Variants in CCL4 observed in about 807,000 individuals in gnomAD.
The protein encoded by CCL4 is C-C motif chemokine 4.
A neutral mutation model predicts 10.3 loss-of-function variants in CCL4; 8 were observed. That is an observed-to-expected ratio of 0.77 (90% confidence interval 0.45 to 1.39). The LOEUF is 1.39. Among genes scored for constraint, CCL4 ranks in the 40% most tolerant of loss-of-function variants. The pLI is 0.00. For missense variants in CCL4, 106 were observed against 111.2 expected (o/e 0.95, Z 0.21); for synonymous variants, 35 against 44.3 (o/e 0.79, Z 0.83).
intron 1 of CCL4, chr17:36,104,215 T>C: frequency 1.4e-6 from 1 of 714,272 alleles, no homozygotes. Context: ...AGTCAGACTG[T>C]TGAATTGGCT....
chr17:36,104,713 G>C, intron 2 of CCL4, 71 bp downstream of exon 2: 3 of 1,595,284 alleles, frequency 1.9e-6, no homozygotes, highest in Non-Finnish European at 2.6e-6. Context: ...GGCCTGTTTT[G>C]GGGAGGGGGT....
chr17:36,104,748 C>T lies in CCL4; in HGVS notation c.191+106C>T, dbSNP rs2067146714. On this transcript the variant is annotated intron_variant, in intron 2 of 2. Coordinates refer to ENST00000615863, the MANE Select transcript of CCL4 (RefSeq NM_002984.4). Reference sequence around the variant, plus strand: ...TGATTGAGCATTGGGGAGGCAGCTCCCAGGGCTGAAGCCTTCCCTGAGAGC... The same window carrying T: ...TGATTGAGCATTGGGGAGGCAGCTCTCAGGGCTGAAGCCTTCCCTGAGAGC... The T allele has an allele frequency of 6.3e-6, 9 of 1,423,538 alleles. No individual in the cohort carries two copies. In the East Asian group the frequency reaches 7.1e-5, roughly 11 times the overall value. The allele number at this position is 1,423,538 out of a possible 1,614,324, so 88.2% of individuals were successfully genotyped here.
rs149276903 is a variant in CCL4, at chr17:36,104,578, C to G, written c.127C>G (p.Leu43Val). ...CTGCTTTTCTTACACCGCGAGGAAG[C>G]TTCCTCGCAACTTTGTGGTAGATTA... ...ACCFSYTARKLPRNFVVDYYE... is the reference protein window; with the variant it reads ...ACCFSYTARKVPRNFVVDYYE... The change falls in exon 2 of 3, where the codon CTT becomes GTT. Residue 43 changes from leucine to valine, a missense_variant. By Grantham distance (32) the Leu-to-Val change is conservative. Transcript: ENST00000615863. 172 of 1,613,042 alleles carry G rather than the reference C, an allele frequency of 1.1e-4. No homozygotes were observed. Among genetic ancestry groups the G allele is most frequent in the Non-Finnish European group, 1.4e-4 (162 of 1,179,860 alleles).
rs200124119 is a variant in CCL4, at chr17:36,104,582, C to A, written c.131C>A (p.Pro44His). 24 of 1,613,316 alleles carry A rather than the reference C, an allele frequency of 1.5e-5. No homozygotes were observed. In the African/African-American group the frequency reaches 2.5e-4, roughly 17 times the overall value. ...TTTTCTTACACCGCGAGGAAGCTTC[C>A]TCGCAACTTTGTGGTAGATTACTAT... is the stretch of plus-strand genomic sequence containing the variant. The part of the protein sequence containing the change: ...CCFSYTARKL[P>H]RNFVVDYYET... Residue 44 changes from proline (P) to histidine (H), a missense_variant, in exon 2 of 3, where the codon CCT (proline) becomes CAT (histidine). Transcript: ENST00000615863.
intron 2 of CCL4, 173 bp downstream of exon 2, chr17:36,104,815 GGC>G (rs2067147399): frequency 1.1e-6 from 1 of 875,132 alleles, no homozygotes; most frequent in Non-Finnish European, 1.9e-6. Context: ...AAGTGCTGAA[GGC>G]GGCAGAGTGG....
In CCL4 at chr17:36,103,937, T is replaced by G; in HGVS notation, c.32T>G (p.Leu11Arg). ...CTCTGCGTGACTGTCCTGTCTCTCCTCATGCTAGTAGCTGCCTTCTGCTCT... is the reference window on the plus strand; with the variant it reads ...CTCTGCGTGACTGTCCTGTCTCTCCGCATGCTAGTAGCTGCCTTCTGCTCT... The part of the protein sequence containing the change: MKLCVTVLSL[L>R]MLVAAFCSPA... The change falls in exon 1 of 3, where the codon CTC becomes CGC. Residue 11 changes from leucine (L) to arginine (R), a missense_variant. Leu to Arg is a moderately radical substitution (Grantham distance 102). Coordinates refer to ENST00000615863, the MANE Select transcript of CCL4 (RefSeq NM_002984.4). The G allele has an allele frequency of 6.2e-7, 1 of 1,613,992 alleles. No homozygotes were observed. The highest frequency in any genetic ancestry group is 1.1e-5 in the South Asian group (1 of 91,070).
At chr17:36,105,125 C>A (rs2067150484) in intron 2 of CCL4, 100 bp from the exon 3 acceptor site, 1 of 1,257,814 alleles carries the variant, frequency 8.0e-7, no homozygotes, top group African/African-American at 1.5e-5. Flanking sequence ...CAGAGCTGCC[C>A]CACATGGACC....
chr17:36,104,979 G>A, intron 2 of CCL4: 1 of 711,482 alleles, frequency 1.4e-6, no homozygotes, highest in Non-Finnish European at 2.6e-6. Context: ...GCAGGGAATG[G>A]GGAGATCTAT....
chr17:36,105,311 G>A lies in CCL4; in HGVS notation c.278G>A (p.Ter93=). 1 of 1,613,664 alleles carries A rather than the reference G, an allele frequency of 6.2e-7. No homozygotes were observed. The highest frequency in any genetic ancestry group is 8.5e-7 in the Non-Finnish European group (1 of 1,179,518). ...QEYVYDLELN[*] Reference sequence around the variant, plus strand: ...TACGTGTATGACCTGGAACTGAACTGAGCTGCTCAGAGACAGGAAGTCTTC... The same window carrying A: ...TACGTGTATGACCTGGAACTGAACTAAGCTGCTCAGAGACAGGAAGTCTTC... Residue 93 remains the stop codon, a stop_retained_variant, in exon 3 of 3, where the codon TGA becomes TAA. Transcript: ENST00000615863.
intron 1 of CCL4, 81 bp downstream of exon 1, chr17:36,104,062 G>A: frequency 1.3e-6 from 2 of 1,525,802 alleles, no homozygotes; most frequent in Non-Finnish European, 1.8e-6. Flanking sequence ...GCAAACAGTG[G>A]GATCTGGGGA....
intron 1 of CCL4, 114 bp from the exon 2 acceptor site, chr17:36,104,414 G>A: frequency 8.5e-7 from 1 of 1,169,642 alleles, no homozygotes; most frequent in South Asian, 1.3e-5. Context: ...GGTGGGAATG[G>A]ATATTTGGGG....
chr17:36,104,983 G>A (rs922845453), intron 2 of CCL4: 12 of 712,430 alleles, frequency 1.7e-5, no homozygotes, highest in Admixed American at 6.0e-5. Context: ...GGAATGGGGA[G>A]ATCTATTCAT....
Position 36,105,551 on chromosome 17 carries a change from C to T in CCL4, c.*239C>T, listed in dbSNP as rs148133700. 6,210 of 594,308 alleles carry T rather than the reference C, an allele frequency of 0.01. 42 individuals carry two copies. The highest frequency in any genetic ancestry group is 0.027 in the South Asian group (1,313 of 47,770). 36.8% of individuals were successfully genotyped at this position (594,308 alleles called of 1,614,324 possible). A position where few individuals can be genotyped will look rare whatever the true frequency, so the allele number is the denominator to read the frequency against. On this transcript the variant is annotated 3_prime_UTR_variant, in exon 3 of 3. Coordinates refer to ENST00000615863, the MANE Select transcript of CCL4 (RefSeq NM_002984.4). ...CACTGTCACTGTTTCTCTGCTGTTG[C>T]AAATACATGGATAACACATTTGATT... is the stretch of plus-strand genomic sequence containing the variant.
Position 36,103,870 on chromosome 17 carries a change from C to A in CCL4, c.-36C>A, listed in dbSNP as rs768274643. On this transcript the variant is annotated 5_prime_UTR_variant, in exon 1 of 3. Coordinates refer to ENST00000615863, the MANE Select transcript of CCL4 (RefSeq NM_002984.4). ...GTTCTGAAGCTTCTGAGTTCTGCAGCCTCACCTCTGAGAAAACCTCTTTTC... is the reference window on the plus strand; with the variant it reads ...GTTCTGAAGCTTCTGAGTTCTGCAGACTCACCTCTGAGAAAACCTCTTTTC... 6.2e-6 allele frequency: 10 copies of A among 1,612,142 alleles called. No individual in the cohort carries two copies. The highest frequency in any genetic ancestry group is 5.5e-5 in the South Asian group (5 of 91,042).
Position 36,105,261 on chromosome 17 carries a change from T to A in CCL4, c.228T>A (p.Asp76Glu). 1 of 1,614,046 alleles carries A rather than the reference T, an allele frequency of 6.2e-7. No homozygotes were observed. The highest frequency in any genetic ancestry group is 8.5e-7 in the Non-Finnish European group (1 of 1,179,908). ...QTKRSKQVCA[D>E]PSESWVQEYV... is the part of the protein sequence containing the mutation. ...AAAGAAGCAAGCAAGTCTGTGCTGA[T>A]CCCAGTGAATCCTGGGTCCAGGAGT... Residue 76 changes from aspartate to glutamate, a missense_variant, in exon 3 of 3, where the codon GAT (aspartate) becomes GAA (glutamate). Asp to Glu is a conservative substitution (Grantham distance 45). Transcript: ENST00000615863.
intron 1 of CCL4, 176 bp downstream of exon 1, chr17:36,104,157 C>A (rs1281182883): frequency 9.2e-6 from 8 of 870,248 alleles, no homozygotes; most frequent in Non-Finnish European, 1.2e-5. Context: ...ATTCAAGTTC[C>A]TATTTTCTTA....
rs1266069899 is a variant in CCL4 at position 36,103,995 on chromosome 17, T to G, written c.76+14T>G. On this transcript the variant is annotated intron_variant, in intron 1 of 2. Coordinates refer to ENST00000615863, the MANE Select transcript of CCL4 (RefSeq NM_002984.4). ...TCTCAGCACCAAGTAAGTCTACTTTTGCAGCTGCTATTTCGAGTCAAGGTG... is the reference window on the plus strand; with the variant it reads ...TCTCAGCACCAAGTAAGTCTACTTTGGCAGCTGCTATTTCGAGTCAAGGTG... 1 of 1,613,974 alleles carries G rather than the reference T, an allele frequency of 6.2e-7. No homozygotes were observed. The highest frequency in any genetic ancestry group is 8.5e-7 in the Non-Finnish European group (1 of 1,179,846).
At chr17:36,105,126 C>T (rs2067150511) in intron 2 of CCL4, 99 bp from the exon 3 acceptor site, 1 of 1,270,370 alleles carries the variant, frequency 7.9e-7, no homozygotes, top group Non-Finnish European at 1.2e-6. Flanking sequence ...AGAGCTGCCC[C>T]ACATGGACCA....
rs1268743108 is a variant in CCL4, at chr17:36,103,882, G to A, written c.-24G>A. On this transcript the variant is annotated 5_prime_UTR_variant, in exon 1 of 3. Transcript: ENST00000615863. ...CTGAGTTCTGCAGCCTCACCTCTGA[G>A]AAAACCTCTTTTCCACCAATACCAT... is the stretch of plus-strand genomic sequence containing the variant. The A allele has an allele frequency of 1.2e-6, 2 of 1,613,722 alleles. No individual in the cohort carries two copies. Among genetic ancestry groups the A allele is most frequent in the East Asian group, 4.5e-5 (2 of 44,900 alleles).
Sources: allele counts gnomAD v4.1 joint callset, GRCh38; gene constraint gnomAD v4.1.1; transcripts MANE v1.5; gene names NCBI Gene and HGNC (gene_info 2026-07-23, HGNC 2026-07-21).